The following ZNF536 variants were observed in gnomAD, a reference collection of about 807,000 sequenced individuals.
ZNF536 encodes the protein zinc finger protein 536.
ZNF536 carries 13 observed loss-of-function variants against 84.5 expected under a neutral mutation model. The observed-to-expected ratio is 0.15, with a 90% CI of 0.10 to 0.24. The LOEUF (loss-of-function observed/expected upper bound fraction) is 0.24, where lower values mean the gene tolerates loss of function less well. Among genes scored for constraint, ZNF536 ranks in the 10% least tolerant of loss-of-function variants. ZNF536 has a pLI of 1.00. For synonymous variants in ZNF536, 811 were observed against 742.5 expected, an observed-to-expected ratio of 1.09 and a Z score of -1.50; for missense variants, 1,536 against 1,747.5, an observed-to-expected ratio of 0.88 and a Z score of 2.16.
intron 1 of ZNF536, among the ~76,000 whole-genome samples, chr19:30,389,548 C>T (rs2049493230): frequency 6.6e-6 from 1 of 152,096 alleles, no homozygotes; most frequent in Non-Finnish European, 1.5e-5. Context: ...TGATTTGTCC[C>T]CAGGGGCTGT....
rs193265103 is a variant in ZNF536, at chr19:30,521,196, G to A, written c.2171-13651G>A. Among the ~76,000 whole-genome samples, 612 of 152,328 alleles carry A rather than the reference G, an allele frequency of 4.0e-3. 6 individuals carry two copies. Among genetic ancestry groups the A allele is most frequent in the Admixed American group, 4.2e-3 (64 of 15,308 alleles). On this transcript the variant is annotated intron_variant, in intron 2 of 4. Coordinates refer to ENST00000355537, the MANE Select transcript of ZNF536 (RefSeq NM_014717.3). ...AGTCCCTTGGTGTTTTGAGGTGCTC[G>A]AATGCCCAGGCAAGCCTGTTCAGGC... is the stretch of plus-strand genomic sequence containing the variant.
At chr19:30,597,731 T>C (rs2047516203) in intron 1 of ZNF536, among the ~76,000 whole-genome samples, 1 of 152,242 alleles carries the variant, frequency 6.6e-6, no homozygotes, top group South Asian at 2.1e-4. Flanking sequence ...TTATTGTATG[T>C]ATATGGTTGC....
At chr19:30,575,764 T>G (rs2046709021) in intron 1 of ZNF536, among the ~76,000 whole-genome samples, 1 of 152,180 alleles carries the variant, frequency 6.6e-6, no homozygotes. Flanking sequence ...ACAAGGCCTG[T>G]GCAGTGACAC....
At chr19:30,670,424 T>G (rs1418566274) in intron 1 of ZNF536, among the ~76,000 whole-genome samples, 2 of 152,202 alleles carry the variant, frequency 1.3e-5, no homozygotes, top group African/African-American at 4.8e-5. Flanking sequence ...TGTAGGACGA[T>G]CCTATAGATC....
chr19:30,593,522 T>C (rs2146824078), intron 1 of ZNF536, among the ~76,000 whole-genome samples: 1 of 152,258 alleles, frequency 6.6e-6, no homozygotes, highest in Non-Finnish European at 1.5e-5. Context: ...AAATGGAGCA[T>C]TTCCTAAAAA....
downstream of ZNF536, among the ~76,000 whole-genome samples, chr19:30,562,522 A>C (rs919679577): frequency 1.3e-5 from 2 of 152,234 alleles, no homozygotes; most frequent in African/African-American, 4.8e-5. Context: ...AAATGCAAGA[A>C]AAACCTGATT....
At chr19:30,683,733 T>C (rs2051066038) in intron 1 of ZNF536, among the ~76,000 whole-genome samples, 1 of 152,178 alleles carries the variant, frequency 6.6e-6, no homozygotes, top group African/African-American at 2.4e-5. Flanking sequence ...ACACCCATAA[T>C]AACAACACAT....
chr19:30,443,000 A>G (rs2052125967), intron 1 of ZNF536, among the ~76,000 whole-genome samples: 1 of 149,014 alleles, frequency 6.7e-6, no homozygotes, highest in African/African-American at 2.5e-5. Context: ...ATCTTGTTTT[A>G]TTATGTACCA....
intron 2 of ZNF536, among the ~76,000 whole-genome samples, chr19:30,461,914 G>A (rs867936408): frequency 3.3e-5 from 5 of 152,272 alleles, no homozygotes; most frequent in African/African-American, 9.6e-5. Flanking sequence ...GACACCATCC[G>A]GAAGTCAGCT....
chr19:30,234,343 G>T (rs909716714), intron 1 of ZNF536, among the ~76,000 whole-genome samples: 5 of 150,290 alleles, frequency 3.3e-5, no homozygotes. Context: ...ATGCTGGGAG[G>T]CCACCTCTCC....
intron 1 of ZNF536, among the ~76,000 whole-genome samples, chr19:30,646,377 T>C (rs2049824637): frequency 6.6e-6 from 1 of 152,258 alleles, no homozygotes; most frequent in African/African-American, 2.4e-5. Flanking sequence ...CACGACTGTG[T>C]GTACACGTGT....
At chr19:30,453,993 C>T (rs1374229594) in intron 2 of ZNF536, among the ~76,000 whole-genome samples, 5 of 152,260 alleles carry the variant, frequency 3.3e-5, no homozygotes, top group African/African-American at 9.6e-5. Flanking sequence ...GGCCGGCCCT[C>T]CCCTTAACGG....
chr19:30,388,014 C>T (rs1208048581), intron 1 of ZNF536, among the ~76,000 whole-genome samples: 2 of 152,138 alleles, frequency 1.3e-5, no homozygotes, highest in African/African-American at 4.8e-5. Flanking sequence ...AGGTCTTCTT[C>T]CTGCTTCCCA....
chr19:30,426,164 A>G (rs989544463), intron 1 of ZNF536, among the ~76,000 whole-genome samples: 3 of 152,236 alleles, frequency 2.0e-5, no homozygotes, highest in Admixed American at 6.5e-5. Context: ...GGCCTGCATT[A>G]TGAAAAGCTT....
chr19:30,691,218 T>A (rs1300201898), intron 1 of ZNF536, among the ~76,000 whole-genome samples: 1 of 151,948 alleles, frequency 6.6e-6, no homozygotes, highest in Non-Finnish European at 1.5e-5. Flanking sequence ...GTATTAACCG[T>A]GAGGTCTGCT....
At chr19:30,231,775 G>A (rs1292488927) in intron 1 of ZNF536, among the ~76,000 whole-genome samples, 2 of 152,076 alleles carry the variant, frequency 1.3e-5, no homozygotes, top group African/African-American at 4.8e-5. Context: ...GGCCCCCTAG[G>A]TTGTGCTGGT....
At chr19:30,427,452 A>G (rs1439877122) in intron 1 of ZNF536, among the ~76,000 whole-genome samples, 1 of 152,164 alleles carries the variant, frequency 6.6e-6, no homozygotes. Flanking sequence ...CTGCACTTAA[A>G]TGGAGTTATC....
At chr19:30,500,966 C>T (rs2054926549) in intron 2 of ZNF536, among the ~76,000 whole-genome samples, 1 of 152,134 alleles carries the variant, frequency 6.6e-6, no homozygotes, top group Non-Finnish European at 1.5e-5. Flanking sequence ...GTTGAGGCTC[C>T]TTCTGGTGCT....
chr19:30,452,055 A>G (rs906898305), intron 2 of ZNF536, among the ~76,000 whole-genome samples: 2 of 152,148 alleles, frequency 1.3e-5, no homozygotes, highest in Non-Finnish European at 2.9e-5. Flanking sequence ...GGTGGGAGTT[A>G]GTAATTTGCT....
Sources: allele counts gnomAD v4.1 joint callset (sites outside exome capture counted in the v4.1 genomes callset), GRCh38; gene constraint gnomAD v4.1.1; transcripts MANE v1.5; gene names NCBI Gene and HGNC (gene_info 2026-07-23, HGNC 2026-07-21).